Variants in PSD3 observed in about 807,000 individuals in gnomAD.
PSD3 encodes the protein pleckstrin and Sec7 domain containing 3, also known as PH and SEC7 domain-containing protein 3.
A neutral mutation model predicts 105.5 loss-of-function variants in PSD3; 49 were observed. That is an observed-to-expected ratio of 0.46 (90% CI 0.37 to 0.59). The LOEUF (loss-of-function observed/expected upper bound fraction) is 0.59, where lower values mean the gene tolerates loss of function less well. Ranked by LOEUF, PSD3 falls within the 20% of genes least tolerant of loss-of-function variation. The pLI is 0.00. For synonymous variants in PSD3, 557 were observed against 457.8 expected, an observed-to-expected ratio of 1.22 and a Z score of -2.77; for missense variants, 1,561 against 1,263.8, an observed-to-expected ratio of 1.24 and a Z score of -3.57.
At chr8:18,778,572 G>A (rs1808310014) in intron 8 of PSD3, among the ~76,000 whole-genome samples, 1 of 152,054 alleles carries the variant, frequency 6.6e-6, no homozygotes, top group Non-Finnish European at 1.5e-5. Context: ...GCCTCAGTAT[G>A]TAGTTAGCTG....
intron 9 of PSD3, among the ~76,000 whole-genome samples, chr8:18,735,713 G>T (rs1346218150): frequency 2.0e-5 from 3 of 152,072 alleles, no homozygotes; most frequent in Non-Finnish European, 4.4e-5. Context: ...TAAGCAGTTA[G>T]AATCAGTACA....
intron 4 of PSD3, among the ~76,000 whole-genome samples, chr8:18,861,270 C>G (rs1406164045): frequency 1.3e-5 from 2 of 152,080 alleles, no homozygotes; most frequent in Non-Finnish European, 2.9e-5. Context: ...GGAAACTGAC[C>G]TTACAGGGCA....
At chr8:18,594,092 G>A (rs1803822368) in intron 12 of PSD3, among the ~76,000 whole-genome samples, 1 of 130,246 alleles carries the variant, frequency 7.7e-6, no homozygotes, top group African/African-American at 3.1e-5. Context: ...CCTGCACGTT[G>A]TGCATATGTA....
At chr8:18,632,874 A>G in intron 10 of PSD3, 68 bp from the exon 11 acceptor site, 1 of 1,272,368 alleles carries the variant, frequency 7.9e-7, no homozygotes, top group Non-Finnish European at 1.1e-6. Context: ...AAGGTAAGTT[A>G]TTGTAAAAAA....
intron 9 of PSD3, among the ~76,000 whole-genome samples, chr8:18,712,812 C>T (rs1003033442): frequency 6.6e-6 from 1 of 152,100 alleles, no homozygotes. Flanking sequence ...GATATCAAAA[C>T]CTGGCAGAGA....
At chr8:18,559,526 GT>G (rs1287818309) in intron 14 of PSD3, among the ~76,000 whole-genome samples, 2 of 151,990 alleles carry the variant, frequency 1.3e-5, no homozygotes, top group Non-Finnish European at 2.9e-5. Context: ...TCTATTTGTG[GT>G]TAGGAAATAA....
chr8:18,545,872 C>A (rs1488938849), intron 15 of PSD3, among the ~76,000 whole-genome samples: 1 of 152,160 alleles, frequency 6.6e-6, no homozygotes, highest in East Asian at 1.9e-4. Context: ...GTCAGTTCTT[C>A]CAGGAAATCC....
intron 10 of PSD3, among the ~76,000 whole-genome samples, chr8:18,653,304 T>A (rs1279060430): frequency 6.6e-6 from 1 of 152,068 alleles, no homozygotes; most frequent in Non-Finnish European, 1.5e-5. Flanking sequence ...CTTCTAATTC[T>A]TGACAATGTA....
rs80107932 is a variant in PSD3, at chr8:18,981,068, A to G, written c.21+32495T>C. ...CCTGTCCCTGCTCCCCTCCCCCGTGAGTTTCCCTTTGTTATGTCTGTCTTC... is the reference window on the plus strand; with the variant it reads ...CCTGTCCCTGCTCCCCTCCCCCGTGGGTTTCCCTTTGTTATGTCTGTCTTC... On this transcript the variant is annotated intron_variant, in intron 1 of 15. Coordinates refer to ENST00000327040, the MANE Select transcript of PSD3 (RefSeq NM_015310.4). Among the ~76,000 whole-genome samples the G allele has an allele frequency of 4.7e-3, 712 of 152,182 alleles. 6 individuals carry two copies. The highest frequency in any genetic ancestry group is 0.016 in the African/African-American group (672 of 41,500).
At chr8:18,580,806 A>G (rs1356050723) in intron 12 of PSD3, among the ~76,000 whole-genome samples, 1 of 152,162 alleles carries the variant, frequency 6.6e-6, no homozygotes, top group Non-Finnish European at 1.5e-5. Flanking sequence ...ATAAAATCAC[A>G]TAGAGATTCT....
intron 2 of PSD3, among the ~76,000 whole-genome samples, chr8:18,880,830 G>T (rs1394748743): frequency 6.6e-6 from 1 of 152,132 alleles, no homozygotes; most frequent in Non-Finnish European, 1.5e-5. Flanking sequence ...AAGGGACTCA[G>T]GGACTTGTTA....
chr8:18,774,319 G>A (rs1372318574), intron 8 of PSD3, among the ~76,000 whole-genome samples: 1 of 152,122 alleles, frequency 6.6e-6, no homozygotes, highest in East Asian at 1.9e-4. Flanking sequence ...ATAATGATCA[G>A]AACAGGGCAA....
At chr8:18,753,872 G>A (rs533439760) in intron 9 of PSD3, among the ~76,000 whole-genome samples, 1 of 152,206 alleles carries the variant, frequency 6.6e-6, no homozygotes, top group South Asian at 2.1e-4. Context: ...CAGCCATTCT[G>A]AGAGGCTACT....
intron 8 of PSD3, among the ~76,000 whole-genome samples, chr8:18,782,908 T>C (rs1726353188): frequency 6.6e-6 from 1 of 152,206 alleles, no homozygotes; most frequent in South Asian, 2.1e-4. Flanking sequence ...TATATAATCC[T>C]TTTTATATTT....
At chr8:18,951,711 A>G (rs1823246871) in intron 1 of PSD3, among the ~76,000 whole-genome samples, 2 of 152,128 alleles carry the variant, frequency 1.3e-5, no homozygotes, top group Admixed American at 1.3e-4. Flanking sequence ...TGGGCCAGGC[A>G]CAGTGGCTCA....
At chr8:18,902,538 G>A (rs922829086) in intron 2 of PSD3, among the ~76,000 whole-genome samples, 4 of 152,064 alleles carry the variant, frequency 2.6e-5, no homozygotes, top group Admixed American at 2.6e-4. Context: ...TTTCTTTAGT[G>A]GTGTCATATT....
chr8:18,592,954 C>T (rs1246101578), intron 12 of PSD3, among the ~76,000 whole-genome samples: 2 of 152,152 alleles, frequency 1.3e-5, no homozygotes, highest in Non-Finnish European at 2.9e-5. Context: ...CTTCCTTACA[C>T]CTTATACAAA....
chr8:18,541,897 T>C (rs1228838870), intron 15 of PSD3, among the ~76,000 whole-genome samples: 1 of 151,900 alleles, frequency 6.6e-6, no homozygotes, highest in African/African-American at 2.4e-5. Flanking sequence ...ATTACAGGTA[T>C]GCGCGCCACC....
chr8:18,815,169 G>A (rs995004162), intron 4 of PSD3, among the ~76,000 whole-genome samples: 2 of 152,154 alleles, frequency 1.3e-5, no homozygotes, highest in African/African-American at 4.8e-5. Context: ...GCCTCCCATT[G>A]CTCCCACCCC....
Sources: allele counts gnomAD v4.1 joint callset (sites outside exome capture counted in the v4.1 genomes callset), GRCh38; gene constraint gnomAD v4.1.1; transcripts MANE v1.5; gene names NCBI Gene and HGNC (gene_info 2026-07-23, HGNC 2026-07-21).